Variants in PKHD1 observed in about 807,000 individuals in gnomAD.
PKHD1 encodes the protein PKHD1 ciliary IPT domain containing fibrocystin/polyductin, also known as fibrocystin.
In PKHD1, 291 loss-of-function variants were observed where a neutral mutation model predicts 412.0. The observed-to-expected ratio is 0.71, with a 90% CI of 0.64 to 0.78. The LOEUF (loss-of-function observed/expected upper bound fraction) is 0.78, where lower values mean the gene tolerates loss of function less well. PKHD1 is among the 30% of genes least tolerant of loss of function. The pLI, the probability that PKHD1 is intolerant of heterozygous loss-of-function variation, is 0.00. For synonymous variants in PKHD1, 1,777 were observed against 1,821.5 expected (o/e 0.98, Z 0.62); for missense variants, 4,825 against 4,950.7 (o/e 0.97, Z 0.76).
At chr6:51,816,422 T>C (rs1462705565) in intron 52 of PKHD1, among the ~76,000 whole-genome samples, 1 of 152,110 alleles carries the variant, frequency 6.6e-6, no homozygotes, top group Non-Finnish European at 1.5e-5. Flanking sequence ...GGAAAAGAGA[T>C]AAGGAGAGTG....
intron 60 of PKHD1, among the ~76,000 whole-genome samples, chr6:51,675,231 T>C (rs1242177548): frequency 6.6e-6 from 1 of 152,194 alleles, no homozygotes; most frequent in Non-Finnish European, 1.5e-5. Flanking sequence ...CAGCCACTAC[T>C]GGCAGGAGCC....
chr6:51,797,002 CA>C (rs949354849), intron 52 of PKHD1, among the ~76,000 whole-genome samples: 3 of 151,972 alleles, frequency 2.0e-5, no homozygotes, highest in African/African-American at 7.3e-5. Flanking sequence ...TTAGTAAAGA[CA>C]GGGTTTCACC....
chr6:51,898,255 T>C (rs1433765259), intron 43 of PKHD1, among the ~76,000 whole-genome samples: 1 of 150,096 alleles, frequency 6.7e-6, no homozygotes, highest in Non-Finnish European at 1.5e-5. Flanking sequence ...ATTGACCACA[T>C]ACTTGGAAGT....
chr6:52,082,109 A>G (rs1055500598), intron 4 of PKHD1, among the ~76,000 whole-genome samples: 1 of 152,126 alleles, frequency 6.6e-6, no homozygotes, highest in African/African-American at 2.4e-5. Context: ...ATTTATTAAA[A>G]TCTTAATAGC....
At chr6:51,858,940 A>G (rs1296729897) in intron 48 of PKHD1, among the ~76,000 whole-genome samples, 6 of 152,166 alleles carry the variant, frequency 3.9e-5, no homozygotes, top group Admixed American at 6.5e-5. Flanking sequence ...AATCAACCCC[A>G]TATCAGTAGG....
chr6:52,016,089 T>G (rs1013226178), intron 34 of PKHD1, among the ~76,000 whole-genome samples: 3 of 152,124 alleles, frequency 2.0e-5, no homozygotes, highest in Admixed American at 1.3e-4. Context: ...ATCAGTAAGT[T>G]CTGAAATCCA....
At chr6:52,045,423 A>C (rs1042767708) in intron 24 of PKHD1, among the ~76,000 whole-genome samples, 20 of 152,374 alleles carry the variant, frequency 1.3e-4, no homozygotes, top group Admixed American at 9.8e-4. Flanking sequence ...GGAAAGAAAC[A>C]GTGCCATGAG....
At chr6:51,625,086 C>T (rs1282249614) in intron 66 of PKHD1, among the ~76,000 whole-genome samples, 9 of 152,114 alleles carry the variant, frequency 5.9e-5, no homozygotes, top group Admixed American at 3.9e-4. Context: ...CTTTCTAGCA[C>T]CCTGACCGTA....
chr6:52,070,566 C>A (rs966611703), intron 9 of PKHD1, 121 bp from the exon 10 acceptor site: 5 of 720,500 alleles, frequency 6.9e-6, no homozygotes, highest in Non-Finnish European at 1.2e-5. Context: ...CCTGTAATTT[C>A]TTTAGTGGTT....
intron 50 of PKHD1, among the ~76,000 whole-genome samples, chr6:51,846,670 A>G (rs1771215174): frequency 6.6e-6 from 1 of 152,170 alleles, no homozygotes; most frequent in African/African-American, 2.4e-5. Context: ...CAGTAAGAAG[A>G]TAAGGAAAAA....
In PKHD1 at chr6:51,767,385, G is replaced by T. The variant is rs558920354; in HGVS notation, c.8642+5317C>A. On this transcript the variant is annotated intron_variant, in intron 55 of 66. Coordinates refer to ENST00000371117, the MANE Select transcript of PKHD1 (RefSeq NM_138694.4). ...AAGTTTTAGGGTACATGTGCACAAC[G>T]TGCAGGTTTGTTACATATGTATACA... Among the ~76,000 whole-genome samples the T allele has an allele frequency of 5.3e-5, 8 of 151,808 alleles. No homozygotes were observed. The East Asian group carries it at 1.4e-3, about 26-fold the overall frequency.
At chr6:52,032,429 C>T (rs1030508540) in intron 29 of PKHD1, among the ~76,000 whole-genome samples, 3 of 152,122 alleles carry the variant, frequency 2.0e-5, no homozygotes, top group Non-Finnish European at 4.4e-5. Flanking sequence ...GTAGTTGGTG[C>T]TAATGAATCC....
chr6:51,847,651 A>T (rs924747442), intron 50 of PKHD1, 124 bp downstream of exon 50: 3 of 776,876 alleles, frequency 3.9e-6, no homozygotes, highest in Non-Finnish European at 6.7e-6. Flanking sequence ...CATTCACTCA[A>T]CCATAACACA....
intron 35 of PKHD1, among the ~76,000 whole-genome samples, chr6:52,009,424 G>A (rs1799521992): frequency 6.6e-6 from 1 of 152,218 alleles, no homozygotes; most frequent in African/African-American, 2.4e-5. Flanking sequence ...CAGTTTGACT[G>A]CAGCAGCATT....
intron 55 of PKHD1, among the ~76,000 whole-genome samples, chr6:51,755,963 C>CAGTA (rs1184178013): frequency 2.6e-5 from 4 of 151,320 alleles, no homozygotes; most frequent in African/African-American, 9.8e-5. Flanking sequence ...GTGTATTACA[C>CAGTA]AGTATTCTGT....
chr6:52,056,877 A>G lies in PKHD1; in HGVS notation c.1602+13T>C, dbSNP rs971279910. 1.9e-6 allele frequency: 3 copies of G among 1,607,338 alleles called. No individual in the cohort carries two copies. In the African/African-American group the frequency reaches 4.0e-5, roughly 21 times the overall value. On this transcript the variant is annotated intron_variant, in intron 17 of 66. Coordinates refer to ENST00000371117, the MANE Select transcript of PKHD1 (RefSeq NM_138694.4). ...CCCACTCCCCTCCCTCATTTTTTGA[A>G]GAAGTCTCCCACCAGATGGGCTGTG...
intron 60 of PKHD1, chr6:51,721,860 A>G: frequency 6.4e-7 from 1 of 1,551,636 alleles, no homozygotes; most frequent in Non-Finnish European, 8.7e-7. Flanking sequence ...ATTTCTTCTC[A>G]ATTTGAACAA....
intron 52 of PKHD1, among the ~76,000 whole-genome samples, chr6:51,798,196 T>C (rs188639073): frequency 6.6e-5 from 10 of 152,202 alleles, no homozygotes; most frequent in African/African-American, 2.4e-4. Context: ...CTGGCCAACA[T>C]GGCAAAACCT....
chr6:52,033,482 A>G lies in PKHD1; in HGVS notation c.3229-317T>C, dbSNP rs530888459. Among the ~76,000 whole-genome samples, 123 of 152,248 alleles carry G rather than the reference A, an allele frequency of 8.1e-4. 1 individual carries two copies. Among genetic ancestry groups the G allele is most frequent in the African/African-American group, 2.7e-3 (114 of 41,558 alleles). ...ACACACCAATTGTTTCTGCAAAAATATGGCAATTTCAAATAAATGTCTATA... is the reference window on the plus strand; with the variant it reads ...ACACACCAATTGTTTCTGCAAAAATGTGGCAATTTCAAATAAATGTCTATA... On this transcript the variant is annotated intron_variant, in intron 28 of 66. Coordinates refer to ENST00000371117, the MANE Select transcript of PKHD1 (RefSeq NM_138694.4).
Sources: gnomAD v4.1 joint callset for allele counts (sites outside exome capture counted in the v4.1 genomes callset) on GRCh38, gnomAD v4.1.1 for gene constraint, MANE v1.5 for transcripts, NCBI Gene and HGNC (gene_info 2026-07-23, HGNC 2026-07-21) for gene names.